Variants in OR1B1 observed in about 807,000 individuals in gnomAD.
OR1B1 encodes the protein olfactory receptor family 1 subfamily B member 1.
For synonymous variants in OR1B1, 168 were observed against 156.2 expected (o/e 1.08, Z -0.57); for missense variants, 414 against 402.1 (o/e 1.03, Z -0.25).
At chr9:122,645,894 C>A in the OR1B1 span, among the ~76,000 whole-genome samples, 1 of 152,034 alleles carries the variant, frequency 6.6e-6, no homozygotes, top group Non-Finnish European at 1.5e-5. Context: ...GGAAAAAACA[C>A]AGATTAGTAT....
the OR1B1 span, among the ~76,000 whole-genome samples, chr9:122,642,917 A>G: frequency 5.9e-5 from 9 of 152,168 alleles, no homozygotes; most frequent in African/African-American, 2.2e-4. Flanking sequence ...ATAACATCTA[A>G]TGTTTTATAA....
At chr9:122,641,729 A>C in the OR1B1 span, among the ~76,000 whole-genome samples, 1 of 152,210 alleles carries the variant, frequency 6.6e-6, no homozygotes, top group Non-Finnish European at 1.5e-5. Context: ...CTTGAAAATC[A>C]CTAAGAGTAC....
At chr9:122,655,164 A>G in the OR1B1 span, among the ~76,000 whole-genome samples, 1 of 152,148 alleles carries the variant, frequency 6.6e-6, no homozygotes, top group Non-Finnish European at 1.5e-5. Context: ...TTTTCAAAGC[A>G]CTAAAACAAC....
chr9:122,643,493 G>T, the OR1B1 span, among the ~76,000 whole-genome samples: 2 of 152,202 alleles, frequency 1.3e-5, no homozygotes, highest in African/African-American at 4.8e-5. Context: ...GCCACCATGG[G>T]TTGAAGTGTT....
At chr9:122,633,140 T>C (rs776391497), upstream of OR1B1, among the ~76,000 whole-genome samples, 1 of 152,086 alleles carries the variant, frequency 6.6e-6, no homozygotes. Context: ...CAAGATGAGA[T>C]TTGGGTGGGG....
At chr9:122,633,921 T>C (rs1830229401), upstream of OR1B1, among the ~76,000 whole-genome samples, 1 of 135,272 alleles carries the variant, frequency 7.4e-6, no homozygotes, top group Non-Finnish European at 1.5e-5. Context: ...AGGGTGAGAC[T>C]ATGTCTCAAA....
chr9:122,628,442 C>G, downstream of OR1B1: 2 of 647,454 alleles, frequency 3.1e-6, no homozygotes, highest in Non-Finnish European at 5.6e-6. Flanking sequence ...CATCAAAGCA[C>G]AACATTGACA....
At chr9:122,642,096 G>T in the OR1B1 span, among the ~76,000 whole-genome samples, 6 of 151,904 alleles carry the variant, frequency 3.9e-5, no homozygotes, top group Non-Finnish European at 7.4e-5. Flanking sequence ...GTGGTGTAAA[G>T]GAAAGAGAAA....
chr9:122,629,407 C>A (rs1216075769), exon 1 of OR1B1: 1 of 1,613,844 alleles, frequency 6.2e-7, no homozygotes, highest in Admixed American at 1.7e-5. Context: ...GTGTCACATT[C>A]CCCAGTATGG....
downstream of OR1B1, chr9:122,628,438 A>G (rs34378370): frequency 0.014 from 9,262 of 639,680 alleles, 109 homozygotes; most frequent in Non-Finnish European, 0.02. Flanking sequence ...GCTCCATCAA[A>G]GCACAACATT....
the OR1B1 span, among the ~76,000 whole-genome samples, chr9:122,638,062 C>T: frequency 6.6e-6 from 1 of 151,958 alleles, no homozygotes; most frequent in African/African-American, 2.4e-5. Context: ...TGGGAAAGGC[C>T]CGTTGCAAAA....
At chr9:122,638,087 A>G in the OR1B1 span, among the ~76,000 whole-genome samples, 2 of 152,248 alleles carry the variant, frequency 1.3e-5, no homozygotes, top group Non-Finnish European at 2.9e-5. Flanking sequence ...AGAAAAGTAT[A>G]ACAACAGATA....
the OR1B1 span, among the ~76,000 whole-genome samples, chr9:122,639,871 A>C: frequency 1.5e-4 from 23 of 152,070 alleles, no homozygotes; most frequent in African/African-American, 5.3e-4. Context: ...GTCTTCACCC[A>C]CACACAATGA....
the OR1B1 span, among the ~76,000 whole-genome samples, chr9:122,643,874 T>C: frequency 4.3e-4 from 65 of 152,186 alleles, no homozygotes; most frequent in Non-Finnish European, 1.6e-4. Context: ...GGGAACCCAC[T>C]GTCTTGATGG....
At chr9:122,653,210 T>A in the OR1B1 span, among the ~76,000 whole-genome samples, 1 of 152,256 alleles carries the variant, frequency 6.6e-6, no homozygotes, top group East Asian at 1.9e-4. Flanking sequence ...ATGTATTATG[T>A]ATTAATGTTG....
the OR1B1 span, among the ~76,000 whole-genome samples, chr9:122,640,694 A>G: frequency 6.6e-6 from 1 of 152,208 alleles, no homozygotes; most frequent in Non-Finnish European, 1.5e-5. Context: ...ACTGGAATCT[A>G]TGCCTCTGGA....
At chr9:122,634,480 T>C (rs115006283), upstream of OR1B1, among the ~76,000 whole-genome samples, 482 of 152,170 alleles carry the variant, frequency 3.2e-3, 1 homozygote, top group African/African-American at 0.011. Context: ...CTTGCAATCA[T>C]GGTGGAGGGC....
chr9:122,639,891 A>G, the OR1B1 span, among the ~76,000 whole-genome samples: 1 of 152,052 alleles, frequency 6.6e-6, no homozygotes, highest in South Asian at 2.1e-4. Context: ...ATCTATAACA[A>G]CAGGAGTAGT....
chr9:122,644,977 T>C, the OR1B1 span, among the ~76,000 whole-genome samples: 2 of 152,170 alleles, frequency 1.3e-5, no homozygotes, highest in African/African-American at 4.8e-5. Flanking sequence ...AACAGAGATA[T>C]ATGAACTTTC....
Sources: allele counts gnomAD v4.1 joint callset (sites outside exome capture counted in the v4.1 genomes callset), GRCh38; gene constraint gnomAD v4.1.1; transcripts MANE v1.5; gene names NCBI Gene and HGNC (gene_info 2026-07-23, HGNC 2026-07-21).